Variants in CSNK2A1 observed in about 807,000 individuals in gnomAD.
CSNK2A1 encodes casein kinase II subunit alpha.
CSNK2A1 carries 10 observed loss-of-function variants against 62.9 expected under a neutral mutation model. The ratio of observed to expected loss-of-function variants is 0.16; its 90% CI spans 0.10 to 0.27. The LOEUF is 0.27. Ranked by LOEUF, CSNK2A1 falls within the 10% of genes least tolerant of loss-of-function variation. The probability of loss-of-function intolerance (pLI) is 1.00; values close to 1 mark genes in which losing one functional copy is unlikely to be tolerated. For missense variants in CSNK2A1, 160 were observed against 492.0 expected, an observed-to-expected ratio of 0.33 and a Z score of 6.38; for synonymous variants, 124 against 167.8, an observed-to-expected ratio of 0.74 and a Z score of 2.02.
chr20:521,522 C>T (rs2018946527), intron 2 of CSNK2A1, among the ~76,000 whole-genome samples: 1 of 152,168 alleles, frequency 6.6e-6, no homozygotes. Flanking sequence ...TAAACATGTA[C>T]TTAAGCATAC....
intron 3 of CSNK2A1, chr20:506,869 G>A (rs929444342): frequency 4.6e-5 from 7 of 152,126 alleles, no homozygotes; most frequent in Non-Finnish European, 8.8e-5. Flanking sequence ...GCTCTTTAGT[G>A]CCATTTAAGC....
intron 1 of CSNK2A1, among the ~76,000 whole-genome samples, chr20:528,593 TC>T (rs2019146516): frequency 6.8e-6 from 1 of 147,636 alleles, no homozygotes; most frequent in African/African-American, 2.7e-5. Flanking sequence ...TTAAATTTTT[TC>T]TTTTTTTTCT....
intron 2 of CSNK2A1, among the ~76,000 whole-genome samples, chr20:527,362 T>C (rs2019119477): frequency 6.6e-6 from 1 of 152,210 alleles, no homozygotes. Flanking sequence ...CCTGTTCTAT[T>C]CTAATGTCTT....
rs541834629 is a variant in CSNK2A1 at position 484,999 on chromosome 20, G to A, written c.1061-923C>T. ...GGAGAATCGCTTGAACCCGGGAGGC[G>A]GAGGCTGCAGCAGCTGAGATTGTGC... On this transcript the variant is annotated intron_variant, in intron 13 of 13. Transcript: ENST00000217244. 2.9e-5 allele frequency among the ~76,000 whole-genome samples: 4 copies of A among 137,076 alleles called. No homozygotes were observed. The South Asian group carries it at 1.0e-3, about 34-fold the overall frequency. The allele number at this position is 137,076 out of a possible 152,430, so 89.9% of individuals were successfully genotyped here.
At position 484,675 on chromosome 20, in the gene CSNK2A1, C is replaced by G. The variant is rs145653236; in HGVS notation, c.1061-599G>C. ...GAATTTATTTCCATTTGATTTCTTC[C>G]ACCTCTCTAATCATGTTTTTGTGTG... On this transcript the variant is annotated intron_variant, in intron 13 of 13. Coordinates refer to ENST00000217244, the MANE Select transcript of CSNK2A1 (RefSeq NM_177559.3). 7.6e-3 allele frequency among the ~76,000 whole-genome samples: 1,133 copies of G among 149,502 alleles called. 15 individuals carry two copies. The highest frequency in any genetic ancestry group is 0.027 in the African/African-American group (1,074 of 39,982).
intron 8 of CSNK2A1, among the ~76,000 whole-genome samples, chr20:493,739 G>C (rs1276442767): frequency 6.6e-6 from 1 of 152,156 alleles, no homozygotes; most frequent in African/African-American, 2.4e-5. Context: ...ACAAGATATA[G>C]AACTGTTCCA....
chr20:506,719 C>G (rs1033962789), intron 3 of CSNK2A1: 1 of 152,166 alleles, frequency 6.6e-6, no homozygotes, highest in Non-Finnish European at 1.5e-5. Flanking sequence ...ACAAAAGGTA[C>G]TAAAAACAAT....
At chr20:507,229 T>G (rs1204551761) in intron 3 of CSNK2A1, 2 of 152,112 alleles carry the variant, frequency 1.3e-5, no homozygotes, top group Non-Finnish European at 2.9e-5. Context: ...ACCACTGCAC[T>G]GCAGCCAGGG....
rs186337772 is a variant in CSNK2A1 at position 480,370 on chromosome 20, C to A, written c.*3591G>T. On this transcript the variant is annotated 3_prime_UTR_variant, in exon 14 of 14. Transcript: ENST00000217244. The stretch of plus-strand genomic sequence containing the variant: ...AGCCAAGTAGGGTGTTAAATATTTT[C>A]CTCGTGCCATTCCATTCAATACTCT... The A allele has an allele frequency of 8.6e-5, 13 of 151,852 alleles. No homozygotes were observed. Among genetic ancestry groups the A allele is most frequent in the Admixed American group, 7.2e-4 (11 of 15,240 alleles). 9.4% of individuals were successfully genotyped at this position (151,852 alleles called of 1,614,324 possible). A position where few individuals can be genotyped will look rare whatever the true frequency, so the allele number is the denominator to read the frequency against.
At chr20:516,374 A>T (rs1192554735) in intron 2 of CSNK2A1, among the ~76,000 whole-genome samples, 1 of 152,238 alleles carries the variant, frequency 6.6e-6, no homozygotes, top group Non-Finnish European at 1.5e-5. Context: ...CAGCTACGAA[A>T]AAAGTATCAT....
intron 1 of CSNK2A1, among the ~76,000 whole-genome samples, chr20:538,359 C>T (rs2019378845): frequency 6.6e-6 from 1 of 152,162 alleles, no homozygotes; most frequent in East Asian, 1.9e-4. Flanking sequence ...GACCAGTTAA[C>T]ATTCATGTGG....
intron 1 of CSNK2A1, 182 bp downstream of exon 1, chr20:543,490 G>T: frequency 2.6e-6 from 1 of 387,090 alleles, no homozygotes; most frequent in Non-Finnish European, 4.6e-6. Context: ...CTGAGGGGTG[G>T]CCCCTGGGCC....
chr20:484,431 A>G (rs1248934190), intron 13 of CSNK2A1, among the ~76,000 whole-genome samples: 2 of 152,214 alleles, frequency 1.3e-5, no homozygotes, highest in East Asian at 3.8e-4. Context: ...GAGCACTTGA[A>G]ATATGGCTAG....
At chr20:492,054 G>A (rs560309119) in intron 9 of CSNK2A1, among the ~76,000 whole-genome samples, 200 bp downstream of exon 9, 63 of 152,062 alleles carry the variant, frequency 4.1e-4, no homozygotes, top group Non-Finnish European at 7.5e-4. Flanking sequence ...ATATTCTACC[G>A]ACATTATGAC....
At chr20:501,671 G>A (rs570066271) in intron 4 of CSNK2A1, 20 of 152,242 alleles carry the variant, frequency 1.3e-4, no homozygotes, top group African/African-American at 4.6e-4. Flanking sequence ...CGTGCCTGCT[G>A]TACTGGACTG....
At chr20:533,130 A>T (rs1282794632) in intron 1 of CSNK2A1, among the ~76,000 whole-genome samples, 2 of 152,212 alleles carry the variant, frequency 1.3e-5, no homozygotes, top group African/African-American at 2.4e-5. Context: ...GCTCAAAAAA[A>T]CAAAAAAATA....
intron 2 of CSNK2A1, among the ~76,000 whole-genome samples, chr20:516,132 T>C (rs752000388): frequency 4.6e-5 from 7 of 152,254 alleles, no homozygotes; most frequent in Non-Finnish European, 8.8e-5. Flanking sequence ...CTGTTCATAA[T>C]ACTAGTATAT....
chr20:508,427 A>G (rs760866595), intron 3 of CSNK2A1, 24 bp downstream of exon 3: 14 of 1,612,816 alleles, frequency 8.7e-6, no homozygotes, highest in African/African-American at 1.3e-5. Flanking sequence ...GAGTGAGTAT[A>G]ATGAAGTCAA....
intron 9 of CSNK2A1, among the ~76,000 whole-genome samples, chr20:491,603 C>A (rs747630306): frequency 6.8e-4 from 104 of 151,940 alleles, no homozygotes; most frequent in Non-Finnish European, 6.3e-4. Flanking sequence ...CCCAGAAGTT[C>A]GGGGCTGCAG....
Sources: allele counts gnomAD v4.1 joint callset (sites outside exome capture counted in the v4.1 genomes callset), GRCh38; gene constraint gnomAD v4.1.1; transcripts MANE v1.5; gene names NCBI Gene and HGNC (gene_info 2026-07-23, HGNC 2026-07-21).